The following TBCEL variants were observed in gnomAD, a reference collection of about 807,000 sequenced individuals.
TBCEL encodes the protein tubulin folding cofactor E like.
Under a neutral mutation model 44.2 loss-of-function variants are expected in TBCEL, and 15 were observed. The observed-to-expected ratio is 0.34, with a 90% CI of 0.23 to 0.52. The LOEUF is 0.52. TBCEL is among the 20% of genes least tolerant of loss of function. The pLI, the probability that TBCEL is intolerant of heterozygous loss-of-function variation, is 0.95. For missense variants in TBCEL, 319 were observed against 506.3 expected (o/e 0.63, Z 3.55); for synonymous variants, 171 against 185.4 (o/e 0.92, Z 0.63).
intron 2 of TBCEL, among the ~76,000 whole-genome samples, chr11:121,038,022 C>T (rs1008367507): frequency 3.3e-5 from 5 of 151,664 alleles, no homozygotes; most frequent in African/African-American, 4.8e-5. Flanking sequence ...TGCAGTGGCA[C>T]GATCTCGACT....
In TBCEL at chr11:121,055,122, C is replaced by G. The variant is rs1032755275; in HGVS notation, c.526C>G (p.Leu176Val). 8 of 1,607,966 alleles carry G rather than the reference C, an allele frequency of 5.0e-6. No homozygotes were observed. Among genetic ancestry groups the G allele is most frequent in the Non-Finnish European group, 6.8e-6 (8 of 1,176,620 alleles). Residue 176 changes from leucine (L) to valine (V), a missense_variant, in exon 6 of 9, where the codon CTT becomes GTT. Coordinates refer to ENST00000683345, the MANE Select transcript of TBCEL (RefSeq NM_001363644.2). Reference protein sequence around the residue: ...VSCPSICCHSLKLLHITDNNL... With the variant: ...VSCPSICCHSVKLLHITDNNL... ...TTGTCCTTCTATTTGCTGTCATTCT[C>G]TTAAGCTACTACATATAACAGACAA...
intron 8 of TBCEL, among the ~76,000 whole-genome samples, chr11:121,073,828 A>C (rs1945983026): frequency 6.6e-6 from 1 of 151,926 alleles, no homozygotes; most frequent in Non-Finnish European, 1.5e-5. Flanking sequence ...TGAGATGAGC[A>C]TATTTTCTTC....
rs1945452992 is a variant in TBCEL, at chr11:121,047,622, G to A, written c.228G>A (p.Val76=). The change falls in exon 4 of 9, where the codon GTG becomes GTA. Residue 76 remains valine (V), a synonymous_variant. Transcript: ENST00000683345. ...AAATTGCTGCTTTCTGCGCTCATGTGTCGGAACTAGATCTTTCTGACAACA... is the reference window on the plus strand; with the variant it reads ...AAATTGCTGCTTTCTGCGCTCATGTATCGGAACTAGATCTTTCTGACAACA... ...EKEIAAFCAH[V]SELDLSDNKL... is the part of the protein sequence containing the mutation. 1.2e-6 allele frequency: 2 copies of A among 1,612,536 alleles called. No homozygotes were observed. Among genetic ancestry groups the A allele is most frequent in the Non-Finnish European group, 8.5e-7 (1 of 1,179,166 alleles).
At chr11:121,064,578 T>G (rs1945783554) in intron 8 of TBCEL, among the ~76,000 whole-genome samples, 1 of 152,238 alleles carries the variant, frequency 6.6e-6, no homozygotes, top group African/African-American at 2.4e-5. Flanking sequence ...AGTGGTTCAA[T>G]GCCACTGCTT....
At chr11:121,051,854 C>G (rs1294601462) in intron 4 of TBCEL, among the ~76,000 whole-genome samples, 1 of 151,790 alleles carries the variant, frequency 6.6e-6, no homozygotes, top group Non-Finnish European at 1.5e-5. Context: ...TCTGAAACTT[C>G]TTGGAATTAA....
chr11:121,076,706 G>A (rs1246703429), intron 8 of TBCEL, among the ~76,000 whole-genome samples: 1 of 151,950 alleles, frequency 6.6e-6, no homozygotes, highest in African/African-American at 2.4e-5. Context: ...TATCGGAATA[G>A]GAGTAGTCAT....
chr11:121,063,655 A>G (rs1945765471), intron 8 of TBCEL, among the ~76,000 whole-genome samples: 1 of 152,226 alleles, frequency 6.6e-6, no homozygotes, highest in Non-Finnish European at 1.5e-5. Flanking sequence ...ATAAATATGG[A>G]CTGATGCTCT....
At chr11:121,059,007 A>G (rs1275309815) in intron 7 of TBCEL, among the ~76,000 whole-genome samples, 1 of 152,018 alleles carries the variant, frequency 6.6e-6, no homozygotes. Flanking sequence ...GGAATTTCCC[A>G]TGAGTATTTA....
intron 8 of TBCEL, among the ~76,000 whole-genome samples, chr11:121,063,331 C>T (rs1403452452): frequency 6.6e-6 from 1 of 152,104 alleles, no homozygotes; most frequent in South Asian, 2.1e-4. Context: ...TCTACGCATA[C>T]ATTTTCCCCA....
At chr11:121,080,776 T>G (rs1489645475) in intron 8 of TBCEL, among the ~76,000 whole-genome samples, 2 of 152,092 alleles carry the variant, frequency 1.3e-5, no homozygotes, top group Non-Finnish European at 2.9e-5. Context: ...GAATTGTGAT[T>G]GAGGAAATGC....
At chr11:121,045,556 T>C in intron 2 of TBCEL, 118 bp from the exon 3 acceptor site, 1 of 749,934 alleles carries the variant, frequency 1.3e-6, no homozygotes, top group Non-Finnish European at 2.0e-6. Flanking sequence ...AGTAACTAAG[T>C]ATCATATGTC....
intron 2 of TBCEL, among the ~76,000 whole-genome samples, chr11:121,039,265 C>T (rs780963400): frequency 4.6e-5 from 7 of 152,170 alleles, no homozygotes; most frequent in Non-Finnish European, 7.3e-5. Context: ...AATGCCATTC[C>T]CCACCCTGTC....
At chr11:121,034,788 G>A (rs938016925) in intron 1 of TBCEL, among the ~76,000 whole-genome samples, 2 of 152,064 alleles carry the variant, frequency 1.3e-5, no homozygotes, top group African/African-American at 4.8e-5. Flanking sequence ...GTGATTAATC[G>A]CCCACTGAGT....
chr11:121,067,338 G>A (rs1397218714), intron 8 of TBCEL, among the ~76,000 whole-genome samples: 2 of 152,146 alleles, frequency 1.3e-5, no homozygotes, highest in African/African-American at 4.8e-5. Flanking sequence ...TTTTTATGAT[G>A]AAAAGAGTAA....
At chr11:121,082,759 CT>C (rs1035053224) in intron 8 of TBCEL, among the ~76,000 whole-genome samples, 6 of 152,220 alleles carry the variant, frequency 3.9e-5, no homozygotes, top group Non-Finnish European at 8.8e-5. Flanking sequence ...TAGGCCTCCT[CT>C]CTAGGATTGA....
intron 2 of TBCEL, among the ~76,000 whole-genome samples, 180 bp from the exon 3 acceptor site, chr11:121,045,494 A>G (rs1945413415): frequency 6.6e-6 from 1 of 152,118 alleles, no homozygotes; most frequent in African/African-American, 2.4e-5. Context: ...TCATTTGTAT[A>G]TGTAGCTTCC....
rs1309251595 is a variant in TBCEL, at chr11:121,086,774, C to G, written c.957-4C>G. On this transcript the variant is annotated splice_polypyrimidine_tract_variant and splice_region_variant and intron_variant, in intron 8 of 8. Coordinates refer to ENST00000683345, the MANE Select transcript of TBCEL (RefSeq NM_001363644.2). ...GCTGACAGTGTTGTTTTTAATCCTT[C>G]TAGGTATCATGAACTGATCACTAAA... 2.5e-6 allele frequency: 4 copies of G among 1,606,706 alleles called. No individual in the cohort carries two copies. Among genetic ancestry groups the G allele is most frequent in the Non-Finnish European group, 3.4e-6 (4 of 1,176,300 alleles).
chr11:121,059,978 A>G lies in TBCEL; in HGVS notation c.849A>G (p.Ser283=). 6.2e-7 allele frequency: 1 copy of G among 1,609,380 alleles called. No homozygotes were observed. Among genetic ancestry groups the G allele is most frequent in the Non-Finnish European group, 8.5e-7 (1 of 1,177,204 alleles). The change falls in exon 8 of 9, where the codon TCA becomes TCG. Residue 283 remains serine, a synonymous_variant. Transcript: ENST00000683345. ...TGGTTTTAACTTATAGATTGCCATC[A>G]GTTTCCAAACTTAATGGCAGCGTTG... ...RRKLVIARLP[S]VSKLNGSVVT...
In TBCEL at chr11:121,053,662, C is replaced by T. The variant is rs1945568431; in HGVS notation, c.385C>T (p.Arg129Cys). 3.7e-6 allele frequency: 6 copies of T among 1,612,202 alleles called. No homozygotes were observed. The highest frequency in any genetic ancestry group is 1.3e-5 in the African/African-American group (1 of 74,800). ...ATGTGCTGGGTCCTTCTCTGGGGTT[C>T]GCAAACTTGTCCTCAACAACAGCAA... ...RTCAGSFSGV[R>C]KLVLNNSKAS... is the part of the protein sequence containing the mutation. The change falls in exon 5 of 9, where the codon CGC (arginine) becomes TGC (cysteine). Residue 129 changes from arginine (R) to cysteine (C), a missense_variant. By Grantham distance (180) the Arg-to-Cys change is radical. Coordinates refer to ENST00000683345, the MANE Select transcript of TBCEL (RefSeq NM_001363644.2).
Sources: gnomAD v4.1 joint callset for allele counts (sites outside exome capture counted in the v4.1 genomes callset) on GRCh38, gnomAD v4.1.1 for gene constraint, MANE v1.5 for transcripts, NCBI Gene and HGNC (gene_info 2026-07-23, HGNC 2026-07-21) for gene names.